Variants in PDK1 observed in about 807,000 individuals in gnomAD.
PDK1 encodes the protein [Pyruvate dehydrogenase (acetyl-transferring)] kinase isozyme 1, mitochondrial.
A neutral mutation model predicts 54.2 loss-of-function variants in PDK1; 39 were observed. The observed-to-expected ratio is 0.72, with a 90% confidence interval of 0.56 to 0.94. The LOEUF (loss-of-function observed/expected upper bound fraction) is 0.94. Ranked by LOEUF, PDK1 falls within the 40% of genes least tolerant of loss-of-function variation. The pLI, the probability that PDK1 is intolerant of heterozygous loss-of-function variation, is 0.00. For synonymous variants in PDK1, 221 were observed against 207.1 expected (o/e 1.07, Z -0.58); for missense variants, 552 against 566.0 (o/e 0.98, Z 0.25).
chr2:172,626,762 A>T, the PDK1 span, among the ~76,000 whole-genome samples: 2 of 30,292 alleles, frequency 6.6e-5, no homozygotes, highest in Admixed American at 5.3e-4. Context: ...CACTGCACTT[A>T]AAAAAAAAAA....
chr2:172,666,658 G>A, the PDK1 span, among the ~76,000 whole-genome samples: 1 of 152,316 alleles, frequency 6.6e-6, no homozygotes, highest in East Asian at 1.9e-4. Context: ...GTGACTCAGG[G>A]TGACTAAGAA....
chr2:172,573,560 C>T (rs570494356), intron 8 of PDK1, among the ~76,000 whole-genome samples: 34 of 150,120 alleles, frequency 2.3e-4, no homozygotes, highest in African/African-American at 4.9e-4. Context: ...TGTATATATA[C>T]GCATATATAC....
chr2:172,654,347 T>C, the PDK1 span, among the ~76,000 whole-genome samples: 2 of 152,242 alleles, frequency 1.3e-5, no homozygotes, highest in Non-Finnish European at 2.9e-5. Context: ...CTATTCACAA[T>C]AGCAAAGACT....
At chr2:172,682,257 G>C in the PDK1 span, among the ~76,000 whole-genome samples, 2 of 152,232 alleles carry the variant, frequency 1.3e-5, no homozygotes, top group African/African-American at 4.8e-5. Flanking sequence ...GTAGTAGAGA[G>C]AGCAGGGGGA....
chr2:172,706,895 T>C, the PDK1 span, among the ~76,000 whole-genome samples: 1 of 152,208 alleles, frequency 6.6e-6, no homozygotes, highest in South Asian at 2.1e-4. Flanking sequence ...CCCTCTCAGC[T>C]TTCATCCACA....
the PDK1 span, among the ~76,000 whole-genome samples, chr2:172,632,228 T>G: frequency 6.6e-6 from 1 of 151,410 alleles, no homozygotes; most frequent in Non-Finnish European, 1.5e-5. Flanking sequence ...GATTGCATCA[T>G]TGCACTCCAC....
chr2:172,585,243 C>T (rs1341900900), intron 8 of PDK1, among the ~76,000 whole-genome samples: 2 of 151,326 alleles, frequency 1.3e-5, no homozygotes, highest in South Asian at 4.2e-4. Context: ...AAGTGATTCT[C>T]TTGTCTCAGT....
chr2:172,641,511 G>C, the PDK1 span, among the ~76,000 whole-genome samples: 1 of 150,132 alleles, frequency 6.7e-6, no homozygotes, highest in African/African-American at 2.5e-5. Context: ...GCACAATCTC[G>C]GCTCACTGCA....
the PDK1 span, among the ~76,000 whole-genome samples, chr2:172,638,279 C>A: frequency 6.6e-6 from 1 of 152,118 alleles, no homozygotes; most frequent in Non-Finnish European, 1.5e-5. Flanking sequence ...TGATGCCACT[C>A]GTTACTACAA....
chr2:172,587,227 G>A (rs1690282943), intron 9 of PDK1, among the ~76,000 whole-genome samples: 2 of 152,196 alleles, frequency 1.3e-5, no homozygotes, highest in South Asian at 2.1e-4. Flanking sequence ...TAAAGATGGT[G>A]TATCCAGAGT....
the PDK1 span, among the ~76,000 whole-genome samples, chr2:172,633,015 C>A: frequency 3.0e-5 from 4 of 135,314 alleles, no homozygotes; most frequent in Non-Finnish European, 4.7e-5. Context: ...GGTTTTGATT[C>A]AAAGAAATAT....
Position 172,586,359 on chromosome 2 carries a change from C to G in PDK1, c.1027C>G (p.Arg343Gly), listed in dbSNP as rs575410435. Residue 343 changes from arginine (R) to glycine (G), a missense_variant, in exon 9 of 11, where the codon CGT (arginine) becomes GGT (glycine). Arg to Gly is a moderately radical substitution (Grantham distance 125). Coordinates refer to ENST00000282077, the MANE Select transcript of PDK1 (RefSeq NM_002610.5). Reference protein sequence around the residue: ...NYMYSTAPRPRVETSRAVPLA... With the variant: ...NYMYSTAPRPGVETSRAVPLA... ...CATGTATTCAACTGCACCAAGACCT[C>G]GTGTTGAGACCTCCCGCGCAGTGCC... 10 of 1,610,606 alleles carry G rather than the reference C, an allele frequency of 6.2e-6. No individual in the cohort carries two copies. In the East Asian group the frequency reaches 2.0e-4, roughly 32 times the overall value.
the PDK1 span, among the ~76,000 whole-genome samples, chr2:172,683,296 G>A: frequency 6.7e-6 from 1 of 149,770 alleles, no homozygotes; most frequent in South Asian, 2.1e-4. Flanking sequence ...GCAGTGAGCT[G>A]AGATCGCACC....
At chr2:172,651,991 C>A in the PDK1 span, among the ~76,000 whole-genome samples, 1 of 152,178 alleles carries the variant, frequency 6.6e-6, no homozygotes, top group South Asian at 2.1e-4. Context: ...ATCCTGATAC[C>A]AAAGCCTGGC....
chr2:172,588,990 G>A (rs1690417885), intron 9 of PDK1, among the ~76,000 whole-genome samples: 1 of 152,190 alleles, frequency 6.6e-6, no homozygotes, highest in South Asian at 2.1e-4. Context: ...ACCTTGAGAG[G>A]GATTGTAGTA....
chr2:172,644,774 T>A, the PDK1 span, among the ~76,000 whole-genome samples: 2 of 152,230 alleles, frequency 1.3e-5, no homozygotes, highest in African/African-American at 2.4e-5. Context: ...AGAATTTTAA[T>A]AACTTTTCAT....
the PDK1 span, among the ~76,000 whole-genome samples, chr2:172,718,275 G>A: frequency 6.6e-6 from 1 of 152,236 alleles, no homozygotes; most frequent in South Asian, 2.1e-4. Flanking sequence ...AATGAAGCTA[G>A]TGAAATGAAG....
chr2:172,652,557 C>T, the PDK1 span, among the ~76,000 whole-genome samples: 1 of 152,156 alleles, frequency 6.6e-6, no homozygotes, highest in African/African-American at 2.4e-5. Flanking sequence ...CATGATTGTA[C>T]ATTTAGAAAA....
the PDK1 span, among the ~76,000 whole-genome samples, chr2:172,660,062 G>C: frequency 6.6e-6 from 1 of 151,950 alleles, no homozygotes; most frequent in Admixed American, 6.6e-5. Flanking sequence ...ACCAGCTTAG[G>C]CAACCAGAGA....
Sources: gnomAD v4.1 joint callset for allele counts (sites outside exome capture counted in the v4.1 genomes callset) on GRCh38, gnomAD v4.1.1 for gene constraint, MANE v1.5 for transcripts, NCBI Gene and HGNC (gene_info 2026-07-23, HGNC 2026-07-21) for gene names.